Variants in CDH18 observed in about 807,000 individuals in gnomAD.
CDH18 encodes cadherin-18.
In CDH18, 31 loss-of-function variants were observed where a neutral mutation model predicts 67.9. The ratio of observed to expected loss-of-function variants is 0.46; its 90% CI spans 0.34 to 0.62. The LOEUF (loss-of-function observed/expected upper bound fraction) is 0.62. Ranked by LOEUF, CDH18 falls within the 20% of genes least tolerant of loss-of-function variation. The probability of loss-of-function intolerance (pLI) is 0.01; values close to 1 mark genes in which losing one functional copy is unlikely to be tolerated. For missense variants in CDH18, 890 were observed against 975.5 expected (o/e 0.91, Z 1.17); for synonymous variants, 362 against 347.2 (o/e 1.04, Z -0.48).
At chr5:20,112,136 A>G (rs987168339) in intron 2 of CDH18, among the ~76,000 whole-genome samples, 8 of 152,260 alleles carry the variant, frequency 5.3e-5, no homozygotes, top group Admixed American at 2.6e-4. Flanking sequence ...AACTTTGGTA[A>G]TTTCTGTGGT....
chr5:19,549,352 C>T (rs1253462230), intron 8 of CDH18, among the ~76,000 whole-genome samples: 1 of 152,180 alleles, frequency 6.6e-6, no homozygotes, highest in Non-Finnish European at 1.5e-5. Context: ...TCTGCCATGA[C>T]TGTAAGTTCT....
At chr5:19,764,325 T>G (rs908848048) in intron 3 of CDH18, among the ~76,000 whole-genome samples, 3 of 152,080 alleles carry the variant, frequency 2.0e-5, no homozygotes, top group African/African-American at 7.2e-5. Flanking sequence ...AATAATAGTA[T>G]AAATGTGTTA....
At chr5:19,796,462 G>C (rs942839527) in intron 3 of CDH18, among the ~76,000 whole-genome samples, 3 of 152,080 alleles carry the variant, frequency 2.0e-5, no homozygotes, top group African/African-American at 7.2e-5. Context: ...GTCAACTACA[G>C]ATTCTGCATG....
At chr5:20,242,620 A>ACATG (rs1554106663) in intron 2 of CDH18, among the ~76,000 whole-genome samples, 9 of 68,876 alleles carry the variant, frequency 1.3e-4, no homozygotes, top group South Asian at 4.4e-4. Flanking sequence ...AAATATATAT[A>ACATG]TATATATATA....
At position 19,490,034 on chromosome 5, in the gene CDH18, G is replaced by A. The variant is rs998226059; in HGVS notation, c.1631-6482C>T. Among the ~76,000 whole-genome samples, 21 of 151,562 alleles carry A rather than the reference G, an allele frequency of 1.4e-4. No homozygotes were observed. The East Asian group carries it at 2.5e-3, about 18-fold the overall frequency. On this transcript the variant is annotated intron_variant, in intron 11 of 12. Transcript: ENST00000382275. The stretch of plus-strand genomic sequence containing the variant: ...GAACTCCAAGAGAAAACTTCTACCC[G>A]TTATTTATCACAAACCTTTTATAAA...
chr5:19,545,042 T>C (rs933407416), intron 8 of CDH18, among the ~76,000 whole-genome samples: 4 of 152,174 alleles, frequency 2.6e-5, no homozygotes, highest in Non-Finnish European at 5.9e-5. Context: ...AACATGTCTC[T>C]GAATATATAC....
chr5:20,462,853 C>T (rs1025728177), intron 1 of CDH18, among the ~76,000 whole-genome samples: 1 of 152,162 alleles, frequency 6.6e-6, no homozygotes, highest in African/African-American at 2.4e-5. Flanking sequence ...AAGCTGGCTC[C>T]ATGTCAATTG....
At chr5:19,882,954 G>T (rs1029541060) in intron 2 of CDH18, among the ~76,000 whole-genome samples, 1 of 152,064 alleles carries the variant, frequency 6.6e-6, no homozygotes, top group Admixed American at 6.6e-5. Flanking sequence ...ATGACCAGAT[G>T]ACTTTCAAAT....
intron 2 of CDH18, among the ~76,000 whole-genome samples, chr5:20,160,469 C>T (rs952177792): frequency 1.3e-5 from 2 of 152,146 alleles, no homozygotes; most frequent in African/African-American, 4.8e-5. Flanking sequence ...GGTAAGATTA[C>T]GTCTTGCTTT....
At chr5:20,194,465 A>G (rs998620314) in intron 2 of CDH18, among the ~76,000 whole-genome samples, 7 of 152,080 alleles carry the variant, frequency 4.6e-5, no homozygotes, top group African/African-American at 1.7e-4. Context: ...TCATGTTTAT[A>G]TATGCTAATC....
chr5:20,099,173 G>C (rs560159797), intron 2 of CDH18, among the ~76,000 whole-genome samples: 1 of 152,148 alleles, frequency 6.6e-6, no homozygotes, highest in South Asian at 2.1e-4. Flanking sequence ...AACACTGTGT[G>C]AATAAACATA....
chr5:19,716,361 G>GA lies in CDH18; in HGVS notation c.643+4985dup, dbSNP rs778033455. On this transcript the variant is annotated intron_variant, in intron 5 of 12. Transcript: ENST00000382275. ...TTTTGCAATAAACCTTACTATTTCA[G>GA]AAAAAATATTTATAATTTACGCTAT... Among the ~76,000 whole-genome samples the GA allele has an allele frequency of 5.5e-3, 828 of 151,896 alleles. 7 individuals carry two copies. Among genetic ancestry groups the GA allele is most frequent in the Middle Eastern group, 0.01 (3 of 294 alleles).
chr5:19,806,302 A>G (rs1415271053), intron 3 of CDH18, among the ~76,000 whole-genome samples: 1 of 152,216 alleles, frequency 6.6e-6, no homozygotes, highest in East Asian at 1.9e-4. Context: ...TGATACAATT[A>G]TTTCTTCACA....
rs1192082450 is a variant in CDH18, at chr5:19,687,432, C to CT, written c.643+33914_643+33915insA. ...ACAGAGGACTACAGTGGCATGACAT[C>CT]AGTTACACCCACTGGAATGGCAGGG... is the stretch of plus-strand genomic sequence containing the variant. On this transcript the variant is annotated intron_variant, in intron 5 of 12. Coordinates refer to ENST00000382275, the MANE Select transcript of CDH18 (RefSeq NM_004934.5). Among the ~76,000 whole-genome samples, 3 of 152,148 alleles carry CT rather than the reference C, an allele frequency of 2.0e-5. No individual in the cohort carries two copies. In the East Asian group the frequency reaches 5.8e-4, roughly 29 times the overall value.
chr5:20,543,348 A>G (rs1046383434), intron 1 of CDH18, among the ~76,000 whole-genome samples: 1 of 151,890 alleles, frequency 6.6e-6, no homozygotes, highest in Non-Finnish European at 1.5e-5. Context: ...TCTCAATTCT[A>G]TGTCATTGTT....
intron 2 of CDH18, among the ~76,000 whole-genome samples, chr5:20,211,926 T>C (rs1201239072): frequency 6.6e-6 from 1 of 152,124 alleles, no homozygotes; most frequent in Non-Finnish European, 1.5e-5. Context: ...GGATGGAAAA[T>C]GACTTTGACG....
At chr5:20,490,940 G>A (rs1161744538) in intron 1 of CDH18, among the ~76,000 whole-genome samples, 1 of 151,946 alleles carries the variant, frequency 6.6e-6, no homozygotes, top group Non-Finnish European at 1.5e-5. Flanking sequence ...AATGATGGGG[G>A]TATCCTTAAC....
Position 20,117,039 on chromosome 5 carries a change from G to A in CDH18, c.-517-125025C>T, listed in dbSNP as rs1747981899. Among the ~76,000 whole-genome samples, 3 of 151,990 alleles carry A rather than the reference G, an allele frequency of 2.0e-5. No homozygotes were observed. The South Asian group carries it at 6.2e-4, about 31-fold the overall frequency. On this transcript the variant is annotated intron_variant, in intron 2 of 14. Coordinates refer to the CDH18 transcript ENST00000507958. ...TGTGTGTGTGTGTGTGAGTGTGTGT[G>A]TGTGTGTGTGTATTTTTAAATGATT...
chr5:20,167,255 C>G (rs1736364664), intron 2 of CDH18, among the ~76,000 whole-genome samples: 1 of 152,062 alleles, frequency 6.6e-6, no homozygotes, highest in African/African-American at 2.4e-5. Context: ...CAAATAAATG[C>G]TTTTGTCCTC....
Sources: allele counts gnomAD v4.1 joint callset (sites outside exome capture counted in the v4.1 genomes callset), GRCh38; gene constraint gnomAD v4.1.1; transcripts MANE v1.5; gene names NCBI Gene and HGNC (gene_info 2026-07-23, HGNC 2026-07-21).